The following MCM10 variants were observed in gnomAD, a reference collection of about 807,000 sequenced individuals.
MCM10 encodes minichromosome maintenance 10 replication initiation factor.
Under a neutral mutation model 109.9 loss-of-function variants are expected in MCM10, and 91 were observed. That is an observed-to-expected ratio of 0.83 (90% CI 0.70 to 0.99). The LOEUF is 0.99. Among genes scored for constraint, MCM10 ranks in the 50% least tolerant of loss-of-function variants. MCM10 has a pLI of 0.00. For synonymous variants in MCM10, 380 were observed against 387.2 expected (o/e 0.98, Z 0.22); for missense variants, 1,077 against 1,061.2 (o/e 1.01, Z -0.21).
Position 13,172,420 on chromosome 10 carries a change from CA to C in MCM10, c.395del (p.Gln132ArgfsTer2). On this transcript the variant is annotated frameshift_variant, in exon 4 of 20. Coordinates refer to ENST00000378714, the MANE Select transcript of MCM10 (RefSeq NM_018518.5). LOFTEE classifies it high-confidence loss of function. This position sits in a 1 kb window ranked among gnomAD's most constrained non-coding sequence, Gnocchi z 5.2. Reference protein sequence around the residue: ...LQEQMKALQEQLKVTTIKQTA... With the variant: ...LQEQMKALQEXLKVTTIKQTA... ...AGAGCAAATGAAGGCCTTACAAGAG[CA>C]GCTAAAAGTAACAACAATTAAACAG... 3 of 1,614,114 alleles carry C rather than the reference CA, an allele frequency of 1.9e-6. No individual in the cohort carries two copies. The highest frequency in any genetic ancestry group is 2.5e-6 in the Non-Finnish European group (3 of 1,180,006).
At chr10:13,184,213 G>A (rs913264018) in intron 8 of MCM10, among the ~76,000 whole-genome samples, 7 of 151,818 alleles carry the variant, frequency 4.6e-5, no homozygotes, top group Admixed American at 4.6e-4. Flanking sequence ...GGTTTGTCTC[G>A]AACCCCTGGG....
intron 1 of MCM10, among the ~76,000 whole-genome samples, chr10:13,162,144 G>C (rs1291877451): frequency 3.9e-5 from 6 of 152,190 alleles, no homozygotes; most frequent in South Asian, 2.1e-4. Flanking sequence ...CTTCGACAGA[G>C]CCTGAGACCT....
At chr10:13,170,363 A>G (rs111344668) in intron 2 of MCM10, among the ~76,000 whole-genome samples, 5,190 of 144,608 alleles carry the variant, frequency 0.036, 285 homozygotes, top group African/African-American at 0.12. Context: ...TATAGTTTGT[A>G]TCTTTTTTTT....
intron 13 of MCM10, 50 bp downstream of exon 13, chr10:13,192,618 G>A (rs199884114): frequency 9.8e-6 from 15 of 1,530,396 alleles, no homozygotes; most frequent in East Asian, 4.5e-5. Context: ...CATCTCAGGC[G>A]TCCTCAGAAC....
intron 10 of MCM10, among the ~76,000 whole-genome samples, chr10:13,190,733 GTGT>G (rs1938633918): frequency 6.6e-6 from 1 of 151,798 alleles, no homozygotes; most frequent in Admixed American, 6.6e-5. Context: ...ATACTCCTAG[GTGT>G]TGTGTTTCTT....
At chr10:13,196,508 A>G (rs2131583567) in intron 14 of MCM10, among the ~76,000 whole-genome samples, 1 of 152,112 alleles carries the variant, frequency 6.6e-6, no homozygotes, top group Non-Finnish European at 1.5e-5. Flanking sequence ...ATGTTTATTT[A>G]TTTATTTATA....
chr10:13,197,376 T>C (rs1834435205), intron 14 of MCM10, among the ~76,000 whole-genome samples: 1 of 152,236 alleles, frequency 6.6e-6, no homozygotes, highest in Non-Finnish European at 1.5e-5. Flanking sequence ...CCTGCAGTCT[T>C]GCTGATGTCA....
Position 13,171,203 on chromosome 10 carries a change from GA to G in MCM10, c.293del (p.Asn98IlefsTer22), listed in dbSNP as rs1409748227. ...EEEVPASQST[E>X]NRVLPAPAPR... ...AGAAGTTCCCGCATCACAGTCAACTGAAAATAGGGTCCTCCCTGCTCCTGCC... is the reference window on the plus strand; with the variant it reads ...AGAAGTTCCCGCATCACAGTCAACTGAAATAGGGTCCTCCCTGCTCCTGCC... On this transcript the variant is annotated frameshift_variant, in exon 3 of 20. Coordinates refer to ENST00000378714, the MANE Select transcript of MCM10 (RefSeq NM_018518.5). LOFTEE classifies it high-confidence loss of function. 1.2e-6 allele frequency: 2 copies of G among 1,614,182 alleles called. No individual in the cohort carries two copies. Among genetic ancestry groups the G allele is most frequent in the Admixed American group, 1.7e-5 (1 of 60,024 alleles).
At chr10:13,163,608 G>A (rs1448958972) in intron 1 of MCM10, among the ~76,000 whole-genome samples, 1 of 136,822 alleles carries the variant, frequency 7.3e-6, no homozygotes, top group Non-Finnish European at 1.6e-5. Context: ...ACAGTAAGCT[G>A]TCGTGGATAA....
rs1324154380 is a variant in MCM10, at chr10:13,209,283, T to C, written c.2598T>C (p.His866=). ...CTCTGTTACCAAGAGGAGAAGAACA[T>C]GCTAAATTTCTGAACAGCCTTAAAT... ...GETLLPRGEE[H]AKFLNSLK The change falls in exon 20 of 20, where the codon CAT becomes CAC. Residue 866 remains histidine (H), a synonymous_variant. Coordinates refer to ENST00000378714, the MANE Select transcript of MCM10 (RefSeq NM_018518.5). 1.2e-6 allele frequency: 2 copies of C among 1,613,946 alleles called. No individual in the cohort carries two copies. The highest frequency in any genetic ancestry group is 1.3e-5 in the African/African-American group (1 of 75,056).
At chr10:13,186,015 G>A in intron 8 of MCM10, 149 bp from the exon 9 acceptor site, 1 of 551,722 alleles carries the variant, frequency 1.8e-6, no homozygotes, top group Non-Finnish European at 3.3e-6. Flanking sequence ...ACCTGCCTCG[G>A]CCTCCCAGAG....
chr10:13,201,223 A>G (rs1314423795), intron 16 of MCM10, among the ~76,000 whole-genome samples, 198 bp from the exon 17 acceptor site: 24 of 152,154 alleles, frequency 1.6e-4, no homozygotes, highest in Admixed American at 1.6e-3. Context: ...GCTCGTTTCT[A>G]TGCATCATCA....
chr10:13,209,044 G>C (rs766119091), intron 18 of MCM10, 47 bp from the exon 19 acceptor site: 1 of 1,419,810 alleles, frequency 7.0e-7, no homozygotes, highest in Non-Finnish European at 1.0e-6. Flanking sequence ...CTTTACATGA[G>C]TGGGCCTACA....
intron 8 of MCM10, among the ~76,000 whole-genome samples, chr10:13,184,876 C>T (rs950928584): frequency 2.0e-5 from 3 of 152,270 alleles, no homozygotes; most frequent in Non-Finnish European, 2.9e-5. Context: ...GAATACCATG[C>T]ACTGTTTACC....
intron 13 of MCM10, among the ~76,000 whole-genome samples, chr10:13,193,446 G>C (rs146216694): frequency 6.6e-6 from 1 of 152,118 alleles, no homozygotes; most frequent in Admixed American, 6.6e-5. Flanking sequence ...CTGAGCCTCC[G>C]GAGGCTTCTC....
chr10:13,208,995 T>C, intron 18 of MCM10, 96 bp from the exon 19 acceptor site: 3 of 828,432 alleles, frequency 3.6e-6, no homozygotes, highest in Non-Finnish European at 6.3e-6. Context: ...TCTCCTTGAA[T>C]GGGGGCCTAC....
intron 1 of MCM10, among the ~76,000 whole-genome samples, chr10:13,161,864 C>T (rs1310649045): frequency 3.3e-5 from 5 of 151,884 alleles, no homozygotes; most frequent in Non-Finnish European, 5.9e-5. Context: ...AAGTGCTTGC[C>T]AAGTGCCTGC....
At chr10:13,199,240 T>C (rs61852865) in intron 16 of MCM10, among the ~76,000 whole-genome samples, 9,771 of 152,324 alleles carry the variant, frequency 0.064, 498 homozygotes, top group African/African-American at 0.14. Context: ...AGTAGGTATA[T>C]GTCAGTTTGT....
chr10:13,190,117 C>CATT (rs147998195), intron 10 of MCM10, among the ~76,000 whole-genome samples: 13,060 of 152,196 alleles, frequency 0.086, 742 homozygotes, highest in East Asian at 0.19. Context: ...CTCGTCACTA[C>CATT]ATTATATAAA....
Sources: gnomAD v4.1 joint callset for allele counts (sites outside exome capture counted in the v4.1 genomes callset) on GRCh38, gnomAD v4.1.1 for gene constraint, Gnocchi (gnomAD v3.1) non-coding constraint, MANE v1.5 for transcripts, NCBI Gene and HGNC (gene_info 2026-07-23, HGNC 2026-07-21) for gene names.